The following SSH2 variants were observed in gnomAD, a reference collection of about 807,000 sequenced individuals.
SSH2 encodes the protein slingshot protein phosphatase 2.
A neutral mutation model predicts 135.2 loss-of-function variants in SSH2; 37 were observed. The observed-to-expected ratio is 0.27, with a 90% CI of 0.21 to 0.36. The LOEUF is 0.36. Ranked by LOEUF, SSH2 falls within the 10% of genes least tolerant of loss-of-function variation. SSH2 has a pLI of 1.00. For synonymous variants in SSH2, 628 were observed against 646.2 expected, an observed-to-expected ratio of 0.97 and a Z score of 0.43; for missense variants, 1,408 against 1,765.3, an observed-to-expected ratio of 0.80 and a Z score of 3.63.
chr17:29,862,686 C>T (rs1008113749), intron 1 of SSH2, among the ~76,000 whole-genome samples: 2 of 152,312 alleles, frequency 1.3e-5, no homozygotes, highest in Non-Finnish European at 2.9e-5. Flanking sequence ...TCAAGATACT[C>T]ATGCCACATT....
intron 3 of SSH2, among the ~76,000 whole-genome samples, chr17:29,744,536 T>G (rs997953126): frequency 1.3e-5 from 2 of 152,244 alleles, no homozygotes; most frequent in African/African-American, 4.8e-5. Flanking sequence ...ACTATTTGTA[T>G]GGAAGATTCT....
At chr17:29,900,013 G>GA (rs1302113754) in intron 1 of SSH2, among the ~76,000 whole-genome samples, 2 of 151,954 alleles carry the variant, frequency 1.3e-5, no homozygotes, top group Non-Finnish European at 2.9e-5. Flanking sequence ...ACAAACCTGA[G>GA]AAAAACAAGC....
At chr17:29,810,965 G>A (rs1017624147) in intron 2 of SSH2, among the ~76,000 whole-genome samples, 1 of 151,898 alleles carries the variant, frequency 6.6e-6, no homozygotes, top group African/African-American at 2.4e-5. Flanking sequence ...GCTATCATTA[G>A]TGTATTTTAT....
Position 29,889,276 on chromosome 17 carries a change from G to A in SSH2, c.64-40347C>T, listed in dbSNP as rs542298497. The stretch of plus-strand genomic sequence containing the variant: ...AGCCTGGCCAACATGGTAAAACCCC[G>A]TCTCTACTAAAATACAAAAATTAGC... On this transcript the variant is annotated intron_variant, in intron 1 of 15. Transcript: ENST00000540801. Among the ~76,000 whole-genome samples the A allele has an allele frequency of 1.3e-4, 20 of 151,866 alleles. No individual in the cohort carries two copies. The East Asian group carries it at 1.4e-3, about 10-fold the overall frequency.
intron 12 of SSH2, among the ~76,000 whole-genome samples, chr17:29,653,556 A>G (rs1279192140): frequency 6.6e-6 from 1 of 152,104 alleles, no homozygotes; most frequent in Admixed American, 6.6e-5. Flanking sequence ...GCTTAATATT[A>G]AACACTGTAT....
rs143535733 is a variant in SSH2 at position 29,693,036 on chromosome 17, T to C, written c.357+2423A>G. 1.5e-4 allele frequency among the ~76,000 whole-genome samples: 23 copies of C among 152,280 alleles called. No homozygotes were observed. In the East Asian group the frequency reaches 4.2e-3, roughly 28 times the overall value. On this transcript the variant is annotated intron_variant, in intron 5 of 15. Transcript: ENST00000540801. ...GGGCAGTGGCGTGATCATGGCTCAC[T>C]GCAGCCTTGACCTGCCAGGCTCAAG...
chr17:29,661,303 G>A (rs1304944417), intron 11 of SSH2, among the ~76,000 whole-genome samples: 7 of 152,006 alleles, frequency 4.6e-5, no homozygotes, highest in Non-Finnish European at 8.8e-5. Flanking sequence ...CAAATACCTA[G>A]TCTCATACCT....
rs200728779 is a variant in SSH2 at position 29,650,432 on chromosome 17, A to G, written c.1226+222T>C. ...TCTATTTTCTTTAATTCTGTGCTCA[A>G]TGGAAATAGCCAACATGAGGTTACT... is the stretch of plus-strand genomic sequence containing the variant. On this transcript the variant is annotated intron_variant, in intron 13 of 15. Transcript: ENST00000540801. Among the ~76,000 whole-genome samples the G allele has an allele frequency of 1.5e-3, 233 of 152,252 alleles. 3 individuals are homozygous for G. Among genetic ancestry groups the G allele is most frequent in the Admixed American group, 0.012 (187 of 15,288 alleles).
chr17:29,743,907 C>CTTTTTTTT (rs59540894), intron 3 of SSH2, among the ~76,000 whole-genome samples: 7 of 99,852 alleles, frequency 7.0e-5, no homozygotes, highest in Admixed American at 1.1e-4. Context: ...TTCTTTTTTC[C>CTTTTTTTT]TTTTTTTTTT....
intron 9 of SSH2, 112 bp downstream of exon 9, chr17:29,671,823 T>A (rs2037505834): frequency 4.5e-6 from 4 of 893,480 alleles, no homozygotes; most frequent in African/African-American, 1.7e-5. Flanking sequence ...ATGACTAATA[T>A]TCCTAGGTAA....
intron 3 of SSH2, among the ~76,000 whole-genome samples, chr17:29,705,536 C>T (rs534687843): frequency 1.1e-4 from 17 of 152,254 alleles, no homozygotes; most frequent in African/African-American, 4.1e-4. Context: ...AAATAGCAAC[C>T]AGAGTGACTT....
intron 2 of SSH2, among the ~76,000 whole-genome samples, chr17:29,837,805 C>T (rs772572134): frequency 1.6e-4 from 25 of 152,354 alleles, no homozygotes; most frequent in Admixed American, 8.5e-4. Flanking sequence ...GTGAGGGAAA[C>T]GCAAAGAGGA....
At chr17:29,924,048 A>G (rs1289505582) in intron 1 of SSH2, among the ~76,000 whole-genome samples, 2 of 152,250 alleles carry the variant, frequency 1.3e-5, no homozygotes, top group Non-Finnish European at 2.9e-5. Context: ...AGCTTTATAA[A>G]ATAAATGGCA....
In SSH2 at chr17:29,629,764, A is replaced by G. The variant is rs1405631745; in HGVS notation, c.*1077T>C. 1 of 152,596 alleles carries G rather than the reference A, an allele frequency of 6.6e-6. No individual in the cohort carries two copies. The highest frequency in any genetic ancestry group is 2.4e-5 in the African/African-American group (1 of 41,476). The allele number at this position is 152,596 out of a possible 1,614,324, so 9.5% of individuals were successfully genotyped here. A position where few individuals can be genotyped will look rare whatever the true frequency, so the allele number is the denominator to read the frequency against. The stretch of plus-strand genomic sequence containing the variant: ...AAAAATAAAACGTTGCATTCAATGG[A>G]TGTTAAACATATGTAACAATTCAAA... On this transcript the variant is annotated 3_prime_UTR_variant, in exon 16 of 16. Coordinates refer to ENST00000540801, the MANE Select transcript of SSH2 (RefSeq NM_001282129.2).
At position 29,903,710 on chromosome 17, in the gene SSH2, C is replaced by T. The variant is rs552426623; in HGVS notation, c.63+26228G>A. Among the ~76,000 whole-genome samples, 5 of 152,142 alleles carry T rather than the reference C, an allele frequency of 3.3e-5. No individual in the cohort carries two copies. In the South Asian group the frequency reaches 8.3e-4, roughly 25 times the overall value. The stretch of plus-strand genomic sequence containing the variant: ...TCTTTTTCCCCTAGGGGCTGAAGTA[C>T]AAGACACTCAATTAAGATGTTTGGG... On this transcript the variant is annotated intron_variant, in intron 1 of 15. Coordinates refer to ENST00000540801, the MANE Select transcript of SSH2 (RefSeq NM_001282129.2).
intron 1 of SSH2, 160 bp downstream of exon 1, chr17:29,929,778 C>T: frequency 1.6e-6 from 1 of 636,390 alleles, no homozygotes; most frequent in Admixed American, 2.7e-5. Context: ...GTTCCTGCTG[C>T]TAGTCTTTAA....
intron 1 of SSH2, among the ~76,000 whole-genome samples, 181 bp from the exon 2 acceptor site, chr17:29,849,110 G>A (rs1047256531): frequency 6.6e-6 from 1 of 152,186 alleles, no homozygotes; most frequent in Non-Finnish European, 1.5e-5. Context: ...AGTTGATTGA[G>A]GAATGCTTGA....
At chr17:29,890,716 T>C (rs1385332466) in intron 1 of SSH2, among the ~76,000 whole-genome samples, 1 of 152,158 alleles carries the variant, frequency 6.6e-6, no homozygotes, top group East Asian at 1.9e-4. Flanking sequence ...GTTGGGTGCA[T>C]ATATCTGTGA....
At chr17:29,917,732 GTAA>G (rs1415561305) in intron 1 of SSH2, among the ~76,000 whole-genome samples, 1 of 151,800 alleles carries the variant, frequency 6.6e-6, no homozygotes, top group Non-Finnish European at 1.5e-5. Flanking sequence ...GCGGATGCCT[GTAA>G]TACCAGCTAC....
Sources: allele counts gnomAD v4.1 joint callset (sites outside exome capture counted in the v4.1 genomes callset), GRCh38; gene constraint gnomAD v4.1.1; transcripts MANE v1.5; gene names NCBI Gene and HGNC (gene_info 2026-07-23, HGNC 2026-07-21).